Variants in USH2A observed in about 807,000 individuals in gnomAD.
USH2A encodes the protein Usher syndrome 2A (autosomal recessive, mild).
In USH2A, 443 loss-of-function variants were observed where a neutral mutation model predicts 538.9. The observed-to-expected ratio is 0.82, with a 90% CI of 0.76 to 0.89. The LOEUF is 0.89. Ranked by LOEUF, USH2A falls within the 40% of genes least tolerant of loss-of-function variation. The pLI, the probability that USH2A is intolerant of heterozygous loss-of-function variation, is 0.00. For missense variants in USH2A, 6,633 were observed against 6,324.8 expected (o/e 1.05, Z -1.65); for synonymous variants, 2,413 against 2,273.5 (o/e 1.06, Z -1.75).
At chr1:216,406,997 T>C (rs1317889114) in intron 3 of USH2A, among the ~76,000 whole-genome samples, 2 of 152,162 alleles carry the variant, frequency 1.3e-5, no homozygotes, top group Non-Finnish European at 2.9e-5. Context: ...TCAGGTTCCT[T>C]GGCTTTCCAT....
chr1:216,007,171 C>G (rs890372365), intron 32 of USH2A, among the ~76,000 whole-genome samples: 9 of 152,120 alleles, frequency 5.9e-5, no homozygotes, highest in African/African-American at 2.2e-4. Flanking sequence ...TGAGGCCTCC[C>G]CAGCCACATG....
At chr1:216,400,237 T>C (rs983646270) in intron 3 of USH2A, among the ~76,000 whole-genome samples, 1 of 136,294 alleles carries the variant, frequency 7.3e-6, no homozygotes, top group Non-Finnish European at 1.6e-5. Context: ...TATATATATA[T>C]AAAAGATCCA....
At chr1:216,318,989 A>G (rs1036035397) in intron 9 of USH2A, among the ~76,000 whole-genome samples, 4 of 152,210 alleles carry the variant, frequency 2.6e-5, no homozygotes, top group Non-Finnish European at 4.4e-5. Context: ...GGACGTCACA[A>G]GCAAATGAGA....
At chr1:215,785,104 T>A in intron 52 of USH2A, among the ~76,000 whole-genome samples, 1 of 152,140 alleles carries the variant, frequency 6.6e-6, no homozygotes, top group East Asian at 1.9e-4. Context: ...GTGTTCTAAA[T>A]CCAAATAACG....
chr1:215,684,881 C>T (rs1222768417), intron 61 of USH2A, among the ~76,000 whole-genome samples: 1 of 150,790 alleles, frequency 6.6e-6, no homozygotes, highest in Non-Finnish European at 1.5e-5. Context: ...GAATAAGTCA[C>T]ATCAAAAATT....
chr1:216,042,775 G>T (rs937893323), intron 32 of USH2A, among the ~76,000 whole-genome samples: 1 of 151,950 alleles, frequency 6.6e-6, no homozygotes, highest in Non-Finnish European at 1.5e-5. Context: ...AAATATAAAT[G>T]ACCTGAACTT....
chr1:216,200,264 T>C (rs2034955682), intron 16 of USH2A, 143 bp from the exon 17 acceptor site: 1 of 916,244 alleles, frequency 1.1e-6, no homozygotes, highest in South Asian at 1.8e-5. Context: ...TTCATATTTT[T>C]AAAATTGAAA....
At chr1:216,280,557 C>T (rs1475495150) in intron 11 of USH2A, among the ~76,000 whole-genome samples, 2 of 152,090 alleles carry the variant, frequency 1.3e-5, no homozygotes, top group Non-Finnish European at 2.9e-5. Context: ...CATTATTACT[C>T]TTCATTTTCC....
chr1:216,395,599 C>T (rs1009263927), intron 3 of USH2A, among the ~76,000 whole-genome samples: 6 of 152,144 alleles, frequency 3.9e-5, no homozygotes, highest in Non-Finnish European at 5.9e-5. Flanking sequence ...TGTTTAACTA[C>T]GCAAATTATA....
intron 4 of USH2A, among the ~76,000 whole-genome samples, chr1:216,356,745 AT>A (rs1209539715): frequency 6.6e-6 from 1 of 152,016 alleles, no homozygotes; most frequent in African/African-American, 2.4e-5. Context: ...GATTCCAGTT[AT>A]TTGTTACTTT....
intron 40 of USH2A, among the ~76,000 whole-genome samples, chr1:215,892,568 G>A (rs1275569058): frequency 1.3e-5 from 2 of 152,028 alleles, no homozygotes; most frequent in Non-Finnish European, 2.9e-5. Context: ...TTCTTTTATC[G>A]ATTTATTATT....
intron 55 of USH2A, among the ~76,000 whole-genome samples, chr1:215,777,437 T>C (rs1330608289): frequency 6.6e-6 from 1 of 152,226 alleles, no homozygotes; most frequent in East Asian, 1.9e-4. Flanking sequence ...CTGATGCTGG[T>C]TAAGTTGATA....
chr1:216,355,668 A>C (rs1228457254), intron 4 of USH2A, among the ~76,000 whole-genome samples: 1 of 152,196 alleles, frequency 6.6e-6, no homozygotes, highest in Non-Finnish European at 1.5e-5. Context: ...AACAGGAAAC[A>C]TTGAAGAACA....
chr1:216,365,236 A>C, intron 3 of USH2A, 151 bp from the exon 4 acceptor site: 3 of 906,340 alleles, frequency 3.3e-6, no homozygotes, highest in Non-Finnish European at 4.9e-6. Context: ...GCTCAGTGAT[A>C]TCTCCATGTG....
chr1:215,819,142 A>G (rs1387696942), intron 47 of USH2A, among the ~76,000 whole-genome samples: 4 of 151,898 alleles, frequency 2.6e-5, no homozygotes, highest in Non-Finnish European at 5.9e-5. Context: ...TTTGGAATAA[A>G]GCAAGCACAT....
At chr1:216,050,200 G>A (rs1033926379) in intron 30 of USH2A, among the ~76,000 whole-genome samples, 3 of 152,156 alleles carry the variant, frequency 2.0e-5, no homozygotes, top group Admixed American at 6.5e-5. Context: ...TGGAGTAGTG[G>A]GGAAATGGGC....
At chr1:215,774,915 T>C (rs997646429) in intron 55 of USH2A, among the ~76,000 whole-genome samples, 15 of 151,986 alleles carry the variant, frequency 9.9e-5, no homozygotes, top group African/African-American at 3.1e-4. Context: ...TTCTTTTTTT[T>C]TTTTACTTTT....
At chr1:215,815,405 GA>G (rs1179292717) in intron 48 of USH2A, among the ~76,000 whole-genome samples, 1 of 85,736 alleles carries the variant, frequency 1.2e-5, no homozygotes. Context: ...TGACCCGTAT[GA>G]TTTTTTTTTT....
chr1:215,721,257 T>C (rs1571620199), intron 61 of USH2A, among the ~76,000 whole-genome samples: 1 of 152,172 alleles, frequency 6.6e-6, no homozygotes, highest in Admixed American at 6.5e-5. Context: ...GTATTTTTAC[T>C]AGAGACAGGA....
Sources: allele counts gnomAD v4.1 joint callset (sites outside exome capture counted in the v4.1 genomes callset), GRCh38; gene constraint gnomAD v4.1.1; transcripts MANE v1.5; gene names NCBI Gene and HGNC (gene_info 2026-07-23, HGNC 2026-07-21).